The following COMMD10 variants were observed in gnomAD, a reference collection of about 807,000 sequenced individuals.
COMMD10 encodes COMM domain-containing protein 10.
A neutral mutation model predicts 28.9 loss-of-function variants in COMMD10; 33 were observed. The observed-to-expected ratio is 1.14, with a 90% CI of 0.87 to 1.53. The LOEUF (loss-of-function observed/expected upper bound fraction) is 1.53. Ranked by LOEUF, COMMD10 falls within the 40% of genes most tolerant of loss-of-function variation. COMMD10 has a pLI of 0.00. For missense variants in COMMD10, 310 were observed against 233.4 expected (o/e 1.33, Z -2.14); for synonymous variants, 110 against 81.7 (o/e 1.35, Z -1.87).
chr5:116,090,274 A>G (rs1750252887), intron 2 of COMMD10, among the ~76,000 whole-genome samples: 1 of 152,080 alleles, frequency 6.6e-6, no homozygotes, highest in African/African-American at 2.4e-5. Context: ...TGTTTGTTAC[A>G]ATGTGTGGAG....
At chr5:116,269,594 T>A (rs957927026) in intron 5 of COMMD10, among the ~76,000 whole-genome samples, 1 of 151,944 alleles carries the variant, frequency 6.6e-6, no homozygotes, top group Non-Finnish European at 1.5e-5. Flanking sequence ...TATAAAATTA[T>A]ATGTTTTAAA....
chr5:116,126,987 C>A (rs1317358975), intron 4 of COMMD10, among the ~76,000 whole-genome samples: 1 of 152,170 alleles, frequency 6.6e-6, no homozygotes, highest in Admixed American at 6.5e-5. Context: ...AGTGAACAGG[C>A]AACCTACAGA....
At chr5:116,112,159 C>A (rs1173165907) in intron 4 of COMMD10, among the ~76,000 whole-genome samples, 1 of 152,100 alleles carries the variant, frequency 6.6e-6, no homozygotes, top group African/African-American at 2.4e-5. Flanking sequence ...AAGATTATTT[C>A]TACTTCATTT....
intron 5 of COMMD10, chr5:116,188,629 C>CTT (rs1748229267): frequency 8.1e-6 from 1 of 124,182 alleles, no homozygotes; most frequent in African/African-American, 4.2e-5. Context: ...TTCTTTCTTT[C>CTT]TCTCTCTCTC....
intron 5 of COMMD10, among the ~76,000 whole-genome samples, chr5:116,265,423 C>G (rs1001092961): frequency 6.6e-6 from 1 of 151,630 alleles, no homozygotes; most frequent in Admixed American, 6.6e-5. Flanking sequence ...TTACACACTT[C>G]CCAAAAAGTA....
intron 5 of COMMD10, among the ~76,000 whole-genome samples, chr5:116,213,813 G>T (rs189133794): frequency 9.2e-5 from 14 of 152,140 alleles, no homozygotes; most frequent in Admixed American, 3.9e-4. Flanking sequence ...CAAATACCAT[G>T]TTAAGGTGCT....
intron 5 of COMMD10, among the ~76,000 whole-genome samples, chr5:116,146,943 C>G (rs1384724693): frequency 6.6e-6 from 1 of 151,790 alleles, no homozygotes; most frequent in Non-Finnish European, 1.5e-5. Context: ...AAAGCTGCAA[C>G]CTTTCAGAAA....
chr5:116,203,107 C>G (rs1035858961), intron 5 of COMMD10, among the ~76,000 whole-genome samples: 1 of 151,960 alleles, frequency 6.6e-6, no homozygotes, highest in Non-Finnish European at 1.5e-5. Flanking sequence ...CTACATATGG[C>G]TAGCCAGTTT....
intron 6 of COMMD10, among the ~76,000 whole-genome samples, 181 bp from the exon 7 acceptor site, chr5:116,292,270 A>G (rs1751384263): frequency 6.6e-6 from 1 of 152,124 alleles, no homozygotes; most frequent in South Asian, 2.1e-4. Context: ...CACAAATTCT[A>G]ATATCTTCAC....
chr5:116,195,311 C>T (rs1304919034), intron 5 of COMMD10, among the ~76,000 whole-genome samples: 1 of 152,036 alleles, frequency 6.6e-6, no homozygotes, highest in Non-Finnish European at 1.5e-5. Context: ...GGAGTCCTAG[C>T]CAGAGCAGTC....
chr5:116,232,875 C>G (rs923042671), intron 5 of COMMD10, among the ~76,000 whole-genome samples: 2 of 152,064 alleles, frequency 1.3e-5, no homozygotes, highest in Non-Finnish European at 2.9e-5. Context: ...AGATACAGGA[C>G]AAGACAAAGA....
chr5:116,143,507 A>G (rs2112540776), intron 5 of COMMD10, among the ~76,000 whole-genome samples: 1 of 151,930 alleles, frequency 6.6e-6, no homozygotes, highest in African/African-American at 2.4e-5. Flanking sequence ...AAAGAAACAA[A>G]TACTGTCTTC....
chr5:116,189,104 G>A (rs1163691897), intron 5 of COMMD10, among the ~76,000 whole-genome samples: 1 of 152,148 alleles, frequency 6.6e-6, no homozygotes, highest in African/African-American at 2.4e-5. Flanking sequence ...CTCTGTGGAA[G>A]CCAAAGTGGG....
rs182557051 is a variant in COMMD10, at chr5:116,134,023, T to C, written c.400-45T>C. The C allele has an allele frequency of 3.6e-6, 4 of 1,104,668 alleles. No homozygotes were observed. The Admixed American group carries it at 6.8e-5, about 19-fold the overall frequency. The allele number at this position is 1,104,668 out of a possible 1,614,324, so 68.4% of individuals were successfully genotyped here. On this transcript the variant is annotated intron_variant, in intron 4 of 6. Coordinates refer to ENST00000274458, the MANE Select transcript of COMMD10 (RefSeq NM_016144.4). ...GATTTGCTTAAAGTTGACTGTTTTCTTCCTTCTGTACCATCTGATTCCAAT... is the reference window on the plus strand; with the variant it reads ...GATTTGCTTAAAGTTGACTGTTTTCCTCCTTCTGTACCATCTGATTCCAAT...
At chr5:116,254,705 T>G (rs376809788) in intron 5 of COMMD10, among the ~76,000 whole-genome samples, 2 of 151,728 alleles carry the variant, frequency 1.3e-5, no homozygotes, top group East Asian at 1.9e-4. Context: ...GCTGAGGAGA[T>G]CTTTACTTCC....
At chr5:116,290,399 G>C (rs1358673837) in intron 5 of COMMD10, among the ~76,000 whole-genome samples, 1 of 151,692 alleles carries the variant, frequency 6.6e-6, no homozygotes, top group African/African-American at 2.4e-5. Context: ...GAGAGAAAAT[G>C]AAGAAGTATG....
intron 5 of COMMD10, among the ~76,000 whole-genome samples, chr5:116,151,656 T>C (rs1312561727): frequency 6.6e-6 from 1 of 152,196 alleles, no homozygotes; most frequent in East Asian, 1.9e-4. Flanking sequence ...GAGGTGTTCG[T>C]AGTATTCTCT....
At chr5:116,260,993 G>C (rs1266751097) in intron 5 of COMMD10, among the ~76,000 whole-genome samples, 2 of 151,706 alleles carry the variant, frequency 1.3e-5, no homozygotes, top group Non-Finnish European at 2.9e-5. Context: ...TGTATGCCTT[G>C]TGAAGACTTG....
intron 5 of COMMD10, among the ~76,000 whole-genome samples, chr5:116,155,507 A>G (rs1483330957): frequency 2.0e-5 from 3 of 152,092 alleles, no homozygotes; most frequent in Non-Finnish European, 4.4e-5. Flanking sequence ...TTTGTTAGAT[A>G]AATGTATTTT....
Sources: allele counts gnomAD v4.1 joint callset (sites outside exome capture counted in the v4.1 genomes callset), GRCh38; gene constraint gnomAD v4.1.1; transcripts MANE v1.5; gene names NCBI Gene and HGNC (gene_info 2026-07-23, HGNC 2026-07-21).